ITK: variants seen among roughly 807,000 people sequenced by gnomAD.
The protein encoded by ITK is IL2 inducible T cell kinase, also known as tyrosine-protein kinase ITK/TSK.
ITK carries 45 observed loss-of-function variants against 87.6 expected under a neutral mutation model. The observed-to-expected ratio is 0.51, with a 90% confidence interval of 0.40 to 0.66. ITK has a LOEUF of 0.66. Ranked by LOEUF, ITK falls within the 30% of genes least tolerant of loss-of-function variation. The probability of loss-of-function intolerance (pLI) is 0.00; values close to 1 mark genes in which losing one functional copy is unlikely to be tolerated. For synonymous variants in ITK, 303 were observed against 273.6 expected (o/e 1.11, Z -1.06); for missense variants, 605 against 766.3 (o/e 0.79, Z 2.48).
chr5:157,190,016 T>C (rs952423853), intron 1 of ITK, among the ~76,000 whole-genome samples: 5 of 152,228 alleles, frequency 3.3e-5, no homozygotes, highest in African/African-American at 1.2e-4. Flanking sequence ...AAAACAGGTC[T>C]GTAATGCCTT....
intron 6 of ITK, among the ~76,000 whole-genome samples, chr5:157,227,808 T>G (rs1754562309): frequency 6.6e-6 from 1 of 151,024 alleles, no homozygotes; most frequent in Non-Finnish European, 1.5e-5. Flanking sequence ...GTTGCTATTA[T>G]TTTTTACCAA....
chr5:157,187,847 T>C (rs1753676559), intron 1 of ITK, among the ~76,000 whole-genome samples: 1 of 152,028 alleles, frequency 6.6e-6, no homozygotes, highest in African/African-American at 2.4e-5. Context: ...TTGCCCAGGC[T>C]GGGGTACAGT....
At chr5:157,218,719 C>G (rs1754351449) in intron 5 of ITK, among the ~76,000 whole-genome samples, 1 of 152,088 alleles carries the variant, frequency 6.6e-6, no homozygotes, top group Non-Finnish European at 1.5e-5. Flanking sequence ...GGTCTTGAGG[C>G]TTTTCCAAGG....
intron 1 of ITK, among the ~76,000 whole-genome samples, chr5:157,186,909 G>A (rs1385430500): frequency 6.6e-6 from 1 of 152,180 alleles, no homozygotes; most frequent in Non-Finnish European, 1.5e-5. Flanking sequence ...TGTGACTGTA[G>A]TCAAGTCCTG....
chr5:157,232,904 G>A (rs1175996160), intron 8 of ITK, among the ~76,000 whole-genome samples: 1 of 152,214 alleles, frequency 6.6e-6, no homozygotes, highest in Non-Finnish European at 1.5e-5. Context: ...GGTCAGAGAT[G>A]TCTGTGACTC....
intron 3 of ITK, chr5:157,213,813 TG>T (rs1036150805): frequency 8.5e-6 from 3 of 354,144 alleles, no homozygotes; most frequent in South Asian, 4.6e-5. Flanking sequence ...GTAGGAGAGG[TG>T]GGGGGTGGTA....
chr5:157,253,231 C>T lies in ITK; in HGVS notation c.*553C>T, dbSNP rs893121882. ...GATGCTGTCAGCCACAGCTTCCTGC[C>T]GTAGAGAATGATAGAGCAGCTGCTC... On this transcript the variant is annotated 3_prime_UTR_variant, in exon 17 of 17. Transcript: ENST00000422843. 4 of 250,350 alleles carry T rather than the reference C, an allele frequency of 1.6e-5. No individual in the cohort carries two copies. The highest frequency in any genetic ancestry group is 1.2e-4 in the South Asian group (1 of 8,682). 15.5% of individuals were successfully genotyped at this position (250,350 alleles called of 1,614,324 possible). A position where few individuals can be genotyped will look rare whatever the true frequency, so the allele number is the denominator to read the frequency against.
intron 6 of ITK, among the ~76,000 whole-genome samples, chr5:157,227,982 C>T (rs1754571116): frequency 6.6e-6 from 1 of 151,766 alleles, no homozygotes; most frequent in African/African-American, 2.4e-5. Context: ...AGGCATGTAC[C>T]ACCACACCCG....
At position 157,254,087 on chromosome 5, in the gene ITK, A is replaced by T. The variant is rs937709358; in HGVS notation, c.*1409A>T. ...AAATCTGTCTGACCGCAATACACAG[A>T]TTCTTTATTCCTATTCGACACTGGC... On this transcript the variant is annotated 3_prime_UTR_variant, in exon 17 of 17. Coordinates refer to ENST00000422843, the MANE Select transcript of ITK (RefSeq NM_005546.4). The T allele has an allele frequency of 4.4e-6, 1 of 227,700 alleles. No homozygotes were observed. The highest frequency in any genetic ancestry group is 6.3e-5 in the East Asian group (1 of 15,884). The allele number at this position is 227,700 out of a possible 1,614,324, so 14.1% of individuals were successfully genotyped here.
intron 13 of ITK, chr5:157,245,314 T>A: frequency 3.1e-6 from 1 of 322,384 alleles, no homozygotes; most frequent in Non-Finnish European, 6.1e-6. Flanking sequence ...TAATTAGGGG[T>A]CAGGTACTCT....
chr5:157,195,555 T>C (rs1027210347), intron 1 of ITK: 11 of 152,240 alleles, frequency 7.2e-5, no homozygotes, highest in African/African-American at 2.7e-4. Flanking sequence ...CAAAATGTTA[T>C]GCAGTAACAA....
chr5:157,233,963 A>ATTTTTTTT (rs869230073), intron 8 of ITK, among the ~76,000 whole-genome samples: 2 of 22,300 alleles, frequency 9.0e-5, no homozygotes, highest in South Asian at 2.4e-3. Context: ...ATATATATAT[A>ATTTTTTTT]TTTTTTTTTT....
At chr5:157,206,928 T>A (rs920643613) in intron 1 of ITK, among the ~76,000 whole-genome samples, 54 of 152,138 alleles carry the variant, frequency 3.5e-4, no homozygotes, top group African/African-American at 1.3e-3. Flanking sequence ...TGTATCTTAA[T>A]TACAGAGATT....
chr5:157,230,613 G>A (rs1754631061), intron 7 of ITK, among the ~76,000 whole-genome samples: 1 of 152,104 alleles, frequency 6.6e-6, no homozygotes, highest in South Asian at 2.1e-4. Flanking sequence ...AAAACATATA[G>A]GGTATATGCT....
chr5:157,181,996 G>C (rs113035030), intron 1 of ITK, among the ~76,000 whole-genome samples: 21 of 152,248 alleles, frequency 1.4e-4, no homozygotes, highest in Non-Finnish European at 2.6e-4. Context: ...CCTGTTTCAG[G>C]TTCTTTCTTC....
chr5:157,213,043 C>A (rs1468823480), intron 3 of ITK, among the ~76,000 whole-genome samples: 1 of 152,062 alleles, frequency 6.6e-6, no homozygotes, highest in Non-Finnish European at 1.5e-5. Context: ...TTTCACACTG[C>A]TATAAAGATA....
At chr5:157,203,340 CT>C (rs1754012966) in intron 1 of ITK, among the ~76,000 whole-genome samples, 1 of 152,210 alleles carries the variant, frequency 6.6e-6, no homozygotes, top group Non-Finnish European at 1.5e-5. Flanking sequence ...ATTGTTTAAA[CT>C]GTGTTCCAAC....
intron 9 of ITK, 80 bp downstream of exon 9, chr5:157,238,271 T>A (rs59272074): frequency 1.9e-6 from 2 of 1,079,306 alleles, no homozygotes; most frequent in Non-Finnish European, 2.9e-6. Context: ...ACAACAAAGT[T>A]AGACAGTGCA....
intron 1 of ITK, among the ~76,000 whole-genome samples, chr5:157,189,307 C>T (rs1039985183): frequency 6.6e-6 from 1 of 152,164 alleles, no homozygotes; most frequent in Non-Finnish European, 1.5e-5. Flanking sequence ...TCATCAGTTT[C>T]TGCAGTAGAA....
Sources: allele counts gnomAD v4.1 joint callset (sites outside exome capture counted in the v4.1 genomes callset), GRCh38; gene constraint gnomAD v4.1.1; transcripts MANE v1.5; gene names NCBI Gene and HGNC (gene_info 2026-07-23, HGNC 2026-07-21).